KMT2A: variants seen among roughly 807,000 people sequenced by gnomAD.
KMT2A encodes histone-lysine N-methyltransferase 2A.
In KMT2A, 16 loss-of-function variants were observed where a neutral mutation model predicts 345.3. The ratio of observed to expected loss-of-function variants is 0.05; its 90% CI spans 0.03 to 0.07. The LOEUF is 0.07. Ranked by LOEUF, KMT2A falls within the 10% of genes least tolerant of loss-of-function variation. The pLI is 1.00. For synonymous variants in KMT2A, 1,599 were observed against 1,778.6 expected, an observed-to-expected ratio of 0.90 and a Z score of 2.54; for missense variants, 3,272 against 4,841.6, an observed-to-expected ratio of 0.68 and a Z score of 9.62.
At chr11:118,467,985 T>C (rs1488636579) in intron 1 of KMT2A, among the ~76,000 whole-genome samples, 3 of 152,222 alleles carry the variant, frequency 2.0e-5, no homozygotes, top group African/African-American at 4.8e-5. Flanking sequence ...TGAGAACTTG[T>C]GCAAAATAGG....
At position 118,503,693 on chromosome 11, in the gene KMT2A, C is replaced by G. The variant is rs1555046829; in HGVS notation, c.7801C>G (p.Leu2601Val). 3 of 1,614,174 alleles carry G rather than the reference C, an allele frequency of 1.9e-6. No individual in the cohort carries two copies. Among genetic ancestry groups the G allele is most frequent in the East Asian group, 4.5e-5 (2 of 44,886 alleles). The change falls in exon 27 of 36, where the codon CTA (leucine) becomes GTA (valine). Residue 2601 changes from leucine (L) to valine (V), a missense_variant. Transcript: ENST00000534358. This position sits in a 1 kb window ranked among gnomAD's most constrained non-coding sequence, Gnocchi z 5.3. ...YQNLPVQDRN[L>V]MLPDGPKPQE... ...GAATCTTCCAGTACAGGACAGAAAC[C>G]TAATGCTTCCAGATGGCCCCAAACC...
chr11:118,463,069 C>T (rs886864110), intron 1 of KMT2A, among the ~76,000 whole-genome samples: 1 of 151,862 alleles, frequency 6.6e-6, no homozygotes. Context: ...ATAAAAATGA[C>T]TCATTAGGTT....
chr11:118,478,973 A>C lies in KMT2A; in HGVS notation c.3569+772A>C, dbSNP rs9332788. On this transcript the variant is annotated intron_variant, in intron 5 of 35. Coordinates refer to ENST00000534358, the MANE Select transcript of KMT2A (RefSeq NM_001197104.2). ...GTTTTGTTTTAATTTTTATGGGTAC[A>C]TAGTAGGTATATATATTTATGGTAT... 3.8e-3 allele frequency among the ~76,000 whole-genome samples: 572 copies of C among 152,294 alleles called. 6 individuals carry two copies. The highest frequency in any genetic ancestry group is 0.014 in the Middle Eastern group (4 of 294).
chr11:118,518,781 C>CAAA (rs372770910), intron 31 of KMT2A, among the ~76,000 whole-genome samples: 5 of 112,138 alleles, frequency 4.5e-5, no homozygotes, highest in Admixed American at 1.9e-4. Flanking sequence ...GAGTCTGTCT[C>CAAA]AAAAAAAAAA....
In KMT2A at chr11:118,525,980, A is replaced by AT. The variant is rs1951074152; in HGVS notation, c.*3808_*3809insT. 1 of 220,320 alleles carries AT rather than the reference A, an allele frequency of 4.5e-6. No homozygotes were observed. Among genetic ancestry groups the AT allele is most frequent in the Non-Finnish European group, 9.1e-6 (1 of 110,004 alleles). The allele number at this position is 220,320 out of a possible 1,614,324, so 13.6% of individuals were successfully genotyped here. ...TTTGTTTTGGTTTTCAAATAAATATAAATATGATATATATAGGAACTAATA... is the reference window on the plus strand; with the variant it reads ...TTTGTTTTGGTTTTCAAATAAATATATAATATGATATATATAGGAACTAATA... On this transcript the variant is annotated 3_prime_UTR_variant, in exon 36 of 36. Coordinates refer to ENST00000534358, the MANE Select transcript of KMT2A (RefSeq NM_001197104.2).
intron 1 of KMT2A, among the ~76,000 whole-genome samples, chr11:118,462,104 C>T (rs902784427): frequency 1.3e-5 from 2 of 152,120 alleles, no homozygotes; most frequent in Admixed American, 6.5e-5. Context: ...CAGGCGCGTG[C>T]CACCATAACT....
At chr11:118,483,612 C>A (rs782735656) in intron 8 of KMT2A, among the ~76,000 whole-genome samples, 6 of 152,208 alleles carry the variant, frequency 3.9e-5, no homozygotes, top group African/African-American at 9.6e-5. Context: ...TGTGGCCCCA[C>A]ATGTTCTAGC....
In KMT2A at chr11:118,510,814, A is replaced by C. The variant is rs1016182207; in HGVS notation, c.11071+696A>C. Among the ~76,000 whole-genome samples, 12 of 152,222 alleles carry C rather than the reference A, an allele frequency of 7.9e-5. No individual in the cohort carries two copies. Among genetic ancestry groups the C allele is most frequent in the Non-Finnish European group, 1.3e-4 (9 of 68,036 alleles). On this transcript the variant is annotated intron_variant, in intron 30 of 35. Coordinates refer to ENST00000534358, the MANE Select transcript of KMT2A (RefSeq NM_001197104.2). This position sits in a 1 kb window ranked among gnomAD's most constrained non-coding sequence, Gnocchi z 4.1. ...AAGAAGAGAAAGGTCACCATGGGTG[A>C]GTTAGGGTTATCAAAAACCCATGAA... is the stretch of plus-strand genomic sequence containing the variant.
At chr11:118,447,192 C>T (rs528056) in intron 1 of KMT2A, among the ~76,000 whole-genome samples, 22,060 of 152,058 alleles carry the variant, frequency 0.15, 2,188 homozygotes, top group East Asian at 0.48. Flanking sequence ...AATTTAACCC[C>T]GTATACCTTA....
chr11:118,496,534 C>G lies in KMT2A; in HGVS notation c.5664+167C>G, dbSNP rs976381377. Reference sequence around the variant, plus strand: ...TAACTTATAACTTATTAATTTGTAACTTATTTTTTGTCACTTAGTTCATGG... The same window carrying G: ...TAACTTATAACTTATTAATTTGTAAGTTATTTTTTGTCACTTAGTTCATGG... On this transcript the variant is annotated intron_variant, in intron 20 of 35. Coordinates refer to ENST00000534358, the MANE Select transcript of KMT2A (RefSeq NM_001197104.2). The surrounding 1 kb of genome is among the most constrained non-coding windows in gnomAD (Gnocchi z 4.7). 3.3e-5 allele frequency among the ~76,000 whole-genome samples: 5 copies of G among 152,022 alleles called. No homozygotes were observed. The highest frequency in any genetic ancestry group is 7.4e-5 in the Non-Finnish European group (5 of 68,006).
chr11:118,494,525 A>G lies in KMT2A; in HGVS notation c.5289+127A>G. ...TATAAAACATCTTTGGTTTAATTTG[A>G]TCCCCTGATTCTTTGAGAGGAACTT... is the stretch of plus-strand genomic sequence containing the variant. On this transcript the variant is annotated intron_variant, in intron 17 of 35. Coordinates refer to ENST00000534358, the MANE Select transcript of KMT2A (RefSeq NM_001197104.2). This position sits in a 1 kb window ranked among gnomAD's most constrained non-coding sequence, Gnocchi z 5.8. 1.2e-6 allele frequency: 1 copy of G among 814,698 alleles called. No individual in the cohort carries two copies. 50.5% of individuals were successfully genotyped at this position (814,698 alleles called of 1,614,324 possible).
intron 2 of KMT2A, among the ~76,000 whole-genome samples, chr11:118,470,077 G>A (rs1949917260): frequency 6.6e-6 from 1 of 152,216 alleles, no homozygotes; most frequent in East Asian, 1.9e-4. Flanking sequence ...TTTATAACCA[G>A]TTTGAGAGTT....
intron 5 of KMT2A, among the ~76,000 whole-genome samples, chr11:118,478,442 A>G (rs1478869261): frequency 1.3e-5 from 2 of 152,254 alleles, no homozygotes; most frequent in Non-Finnish European, 2.9e-5. Context: ...GTAGACAACA[A>G]TAATGGAAAT....
In KMT2A at chr11:118,506,022, A is replaced by T; in HGVS notation, c.10130A>T (p.Asp3377Val). 1 of 1,614,198 alleles carries T rather than the reference A, an allele frequency of 6.2e-7. No homozygotes were observed. Among genetic ancestry groups the T allele is most frequent in the Non-Finnish European group, 8.5e-7 (1 of 1,180,044 alleles). ...AACCCAAGGTTGCTTGGTACCCCAG[A>T]TATTGGCTCAATAAGCAATCTTTTA... is the stretch of plus-strand genomic sequence containing the variant. ...LTNPRLLGTP[D>V]IGSISNLLIK... The change falls in exon 27 of 36, where the codon GAT (aspartate) becomes GTT (valine). Residue 3377 changes from aspartate (D) to valine (V), a missense_variant. Transcript: ENST00000534358.
chr11:118,518,922 GA>G (rs1224204775), intron 31 of KMT2A, among the ~76,000 whole-genome samples: 9 of 148,450 alleles, frequency 6.1e-5, no homozygotes, highest in Non-Finnish European at 9.0e-5. Flanking sequence ...CTAAAAATAC[GA>G]AAAAAATTAG....
chr11:118,518,684 G>A lies in KMT2A; in HGVS notation c.11147-934G>A, dbSNP rs181763308. Among the ~76,000 whole-genome samples, 14 of 151,836 alleles carry A rather than the reference G, an allele frequency of 9.2e-5. No homozygotes were observed. In the East Asian group the frequency reaches 2.7e-3, roughly 29 times the overall value. On this transcript the variant is annotated intron_variant, in intron 31 of 35. Transcript: ENST00000534358. The stretch of plus-strand genomic sequence containing the variant: ...TGTAGTCCCAGCTACTTGGGAGGCT[G>A]AGGCAGGAGAATTGCTTGAACCCAG...
chr11:118,483,482 G>A (rs556907816), intron 8 of KMT2A, among the ~76,000 whole-genome samples: 4 of 152,198 alleles, frequency 2.6e-5, no homozygotes, highest in South Asian at 4.1e-4. Context: ...GCAGTGAGCC[G>A]AGATCGCGCC....
In KMT2A at chr11:118,504,125, A is replaced by G. The variant is rs2134397319; in HGVS notation, c.8233A>G (p.Lys2745Glu). 2 of 1,614,206 alleles carry G rather than the reference A, an allele frequency of 1.2e-6. No homozygotes were observed. Among genetic ancestry groups the G allele is most frequent in the Non-Finnish European group, 1.7e-6 (2 of 1,180,038 alleles). ...ATTRKSSQIP[K>E]RNGKENGTEN... ...AACAAGGAAAAGCAGCCAGATTCCA[A>G]AAAGAAATGGTAAAGAAAATGGAAC... Residue 2745 changes from lysine (K) to glutamate (E), a missense_variant, in exon 27 of 36, where the codon AAA becomes GAA. Physicochemically the swap from Lys to Glu is moderately conservative, Grantham distance 56. Around this residue, in one of 27 missense-constraint regions of KMT2A, gnomAD observed 100 missense variants for 101.3 expected, o/e 0.99. Transcript: ENST00000534358. This position sits in a 1 kb window ranked among gnomAD's most constrained non-coding sequence, Gnocchi z 6.4.
At chr11:118,479,761 T>C (rs2134292439) in intron 5 of KMT2A, among the ~76,000 whole-genome samples, 1 of 152,324 alleles carries the variant, frequency 6.6e-6, no homozygotes, top group East Asian at 1.9e-4. Context: ...CCAGATTTAA[T>C]TATAGCATTA....
Sources: allele counts gnomAD v4.1 joint callset (sites outside exome capture counted in the v4.1 genomes callset), GRCh38; gene constraint gnomAD v4.1.1; regional missense constraint gnomAD v4.1.1; non-coding constraint Gnocchi (gnomAD v3.1); transcripts MANE v1.5; gene names NCBI Gene and HGNC (gene_info 2026-07-23, HGNC 2026-07-21).